The following SFXN3 variants were observed in gnomAD, a reference collection of about 807,000 sequenced individuals.
SFXN3 encodes the protein sideroflexin-3.
In SFXN3, 31 loss-of-function variants were observed where a neutral mutation model predicts 40.4. That is an observed-to-expected ratio of 0.77 (90% CI 0.58 to 1.04). The LOEUF (loss-of-function observed/expected upper bound fraction) is 1.04. Among genes scored for constraint, SFXN3 ranks in the 50% least tolerant of loss-of-function variants. The pLI is 0.00. For synonymous variants in SFXN3, 157 were observed against 160.0 expected, an observed-to-expected ratio of 0.98 and a Z score of 0.14; for missense variants, 366 against 408.2, an observed-to-expected ratio of 0.90 and a Z score of 0.89.
intron 9 of SFXN3, 82 bp from the exon 10 acceptor site, chr10:101,038,561 G>A (rs1394215570): frequency 4.3e-6 from 7 of 1,611,960 alleles, no homozygotes; most frequent in Non-Finnish European, 5.9e-6. Context: ...AAGGCTGATG[G>A]GATAGAGCTA....
intron 2 of SFXN3, among the ~76,000 whole-genome samples, chr10:101,033,020 G>A (rs928578594): frequency 1.3e-5 from 2 of 152,206 alleles, no homozygotes; most frequent in African/African-American, 4.8e-5. Flanking sequence ...GGACCAGGGA[G>A]AGCCTGGGGT....
At chr10:101,033,932 A>G (rs770399589) in intron 2 of SFXN3, among the ~76,000 whole-genome samples, 1 of 152,080 alleles carries the variant, frequency 6.6e-6, no homozygotes, top group Non-Finnish European at 1.5e-5. Flanking sequence ...CATTACTGCA[A>G]ACATATCTCA....
chr10:101,039,242 TG>T lies in SFXN3; in HGVS notation c.869+23del. The T allele has an allele frequency of 6.3e-7, 1 of 1,599,306 alleles. No homozygotes were observed. Among genetic ancestry groups the T allele is most frequent in the Non-Finnish European group, 8.5e-7 (1 of 1,172,450 alleles). On this transcript the variant is annotated intron_variant, in intron 11 of 11. Transcript: ENST00000393459. The surrounding 1 kb of genome is among the most constrained non-coding windows in gnomAD (Gnocchi z 4.6). Reference sequence around the variant, plus strand: ...GAAGAGGTAAGTGCTGTCCCTGGGCTGGGTGGGGGACTCTGGATTGGACTCT... The same window carrying T: ...GAAGAGGTAAGTGCTGTCCCTGGGCTGGTGGGGGACTCTGGATTGGACTCT...
exon 4 of SFXN3, chr10:101,035,512 C>A (rs374039696): frequency 1.9e-6 from 3 of 1,607,984 alleles, no homozygotes; most frequent in Admixed American, 1.7e-5. Flanking sequence ...GCGTGGTGAC[C>A]CCAGGGATCA....
At position 101,036,742 on chromosome 10, in the gene SFXN3, G is replaced by C. The variant is rs1318171829; in HGVS notation, c.527G>C (p.Gly176Ala). 8 of 1,611,842 alleles carry C rather than the reference G, an allele frequency of 5.0e-6. No individual in the cohort carries two copies. The highest frequency in any genetic ancestry group is 1.7e-5 in the Admixed American group (1 of 59,938). ...CCCCAGCACCTGCCCCCCTTGGTCG[G>C]CAGATTTGTGCCCTTTGCAGCAGTG... is the stretch of plus-strand genomic sequence containing the variant. The change falls in exon 7 of 12, where the codon GGC (glycine) becomes GCC (alanine). Residue 176 changes from glycine (G) to alanine (A), a missense_variant. Physicochemically the swap from Gly to Ala is moderately conservative, Grantham distance 60. Coordinates refer to ENST00000393459, the Ensembl canonical transcript of SFXN3. This position sits in a 1 kb window ranked among gnomAD's most constrained non-coding sequence, Gnocchi z 4.2.
intron 9 of SFXN3, chr10:101,038,371 G>T (rs1938720347): frequency 1.5e-5 from 20 of 1,370,492 alleles, no homozygotes; most frequent in Admixed American, 9.0e-5. Context: ...AGTGAGGGAA[G>T]AAAAAAAAGG....
chr10:101,038,477 C>T (rs776999615), intron 9 of SFXN3, 166 bp from the exon 10 acceptor site: 181 of 1,481,476 alleles, frequency 1.2e-4, no homozygotes, highest in Middle Eastern at 2.2e-4. Context: ...AGTGGAAGGG[C>T]GTGATCTGGA....
Position 101,037,121 on chromosome 10 carries a change from G to A in SFXN3, c.639G>A (p.Arg213=), listed in dbSNP as rs533445142. Reference sequence around the variant, plus strand: ...CGGTGGCTGATGAGGCAGGTCAGAGGCTTGGCTACTCGGTGACTGCAGCCA... The same window carrying A: ...CGGTGGCTGATGAGGCAGGTCAGAGACTTGGCTACTCGGTGACTGCAGCCA... Residue 213 remains arginine (R), a synonymous_variant, in exon 8 of 12, where the codon AGG becomes AGA. Transcript: ENST00000393459. 8 of 1,613,998 alleles carry A rather than the reference G, an allele frequency of 5.0e-6. No homozygotes were observed. The South Asian group carries it at 7.7e-5, about 16-fold the overall frequency.
intron 9 of SFXN3, chr10:101,037,871 C>T (rs1938697272): frequency 1.9e-6 from 2 of 1,049,712 alleles, no homozygotes; most frequent in Admixed American, 9.9e-5. Context: ...TATTGAGTGC[C>T]ATGCACCAGG....
exon 3 of SFXN3, chr10:101,034,727 G>A: frequency 2.5e-6 from 4 of 1,614,086 alleles, no homozygotes; most frequent in Non-Finnish European, 3.4e-6. Context: ...TCAACATCCA[G>A]GAACCTCGCT....
At position 101,034,749 on chromosome 10, in the gene SFXN3, AC is replaced by A. The variant is rs868676580; in HGVS notation, c.56del (p.Thr19IlefsTer40). 6.2e-7 allele frequency: 1 copy of A among 1,614,032 alleles called. No individual in the cohort carries two copies. The highest frequency in any genetic ancestry group is 1.3e-5 in the African/African-American group (1 of 74,922). ...CCAGGAACCTCGCTGGGACCAAAGTACTTTCCTGGGCAGAGCCCGGCACTTT... is the reference window on the plus strand; with the variant it reads ...CCAGGAACCTCGCTGGGACCAAAGTATTTCCTGGGCAGAGCCCGGCACTTT... On this transcript the variant is annotated frameshift_variant, in exon 3 of 12. Transcript: ENST00000393459. LOFTEE classifies it high-confidence loss of function.
In SFXN3 at chr10:101,036,570, C is replaced by T. The variant is rs753874043; in HGVS notation, c.507+9C>T. On this transcript the variant is annotated intron_variant, in intron 6 of 11. Transcript: ENST00000393459. This position sits in a 1 kb window ranked among gnomAD's most constrained non-coding sequence, Gnocchi z 4.2. ...TCAAATCCCTCACCAAGGTAAAGGCCCCTCACTCCCCTGACCACCCCATTC... is the reference window on the plus strand; with the variant it reads ...TCAAATCCCTCACCAAGGTAAAGGCTCCTCACTCCCCTGACCACCCCATTC... 6.2e-6 allele frequency: 10 copies of T among 1,614,018 alleles called. No homozygotes were observed. The highest frequency in any genetic ancestry group is 7.6e-6 in the Non-Finnish European group (9 of 1,179,970).
At position 101,039,234 on chromosome 10, in the gene SFXN3, C is replaced by A; in HGVS notation, c.869+12C>A. 1.2e-6 allele frequency: 2 copies of A among 1,602,782 alleles called. No homozygotes were observed. The highest frequency in any genetic ancestry group is 1.7e-6 in the Non-Finnish European group (2 of 1,174,394). On this transcript the variant is annotated intron_variant, in intron 11 of 11. Transcript: ENST00000393459. The surrounding 1 kb of genome is among the most constrained non-coding windows in gnomAD (Gnocchi z 4.6). The stretch of plus-strand genomic sequence containing the variant: ...TTCCCCCAGAAGAGGTAAGTGCTGT[C>A]CCTGGGCTGGGTGGGGGACTCTGGA...
At chr10:101,037,198 C>T in exon 8 of SFXN3, 1 of 1,613,852 alleles carries the variant, frequency 6.2e-7, no homozygotes, top group Non-Finnish European at 8.5e-7. Flanking sequence ...GCGATTCCTG[C>T]CATGGGTAAG....
intron 9 of SFXN3, 155 bp from the exon 10 acceptor site, chr10:101,038,488 G>A: frequency 6.7e-7 from 1 of 1,497,320 alleles, no homozygotes; most frequent in Non-Finnish European, 8.9e-7. Flanking sequence ...GTGATCTGGA[G>A]GTCCCAGCCC....
intron 9 of SFXN3, chr10:101,037,997 CT>C: frequency 2.8e-6 from 1 of 351,694 alleles, no homozygotes; most frequent in Non-Finnish European, 4.1e-6. Context: ...TAAATACATT[CT>C]TAGAAAGTGT....
At position 101,039,324 on chromosome 10, in the gene SFXN3, C is replaced by T; in HGVS notation, c.869+102C>T. The T allele has an allele frequency of 8.1e-7, 1 of 1,238,252 alleles. No individual in the cohort carries two copies. The highest frequency in any genetic ancestry group is 1.3e-5 in the South Asian group (1 of 76,228). 76.7% of individuals were successfully genotyped at this position (1,238,252 alleles called of 1,614,324 possible). ...CCAGGGTGTTCAGGAGGAGGCCTGGCAGGCACTCCACTGATTCTGGGAGTG... is the reference window on the plus strand; with the variant it reads ...CCAGGGTGTTCAGGAGGAGGCCTGGTAGGCACTCCACTGATTCTGGGAGTG... On this transcript the variant is annotated intron_variant, in intron 11 of 11. Coordinates refer to ENST00000393459, the Ensembl canonical transcript of SFXN3. This position sits in a 1 kb window ranked among gnomAD's most constrained non-coding sequence, Gnocchi z 4.6.
chr10:101,036,742 G>A lies in SFXN3; in HGVS notation c.527G>A (p.Gly176Asp), dbSNP rs1318171829. Residue 176 changes from glycine to aspartate, a missense_variant, in exon 7 of 12, where the codon GGC becomes GAC. Gly to Asp is a moderately conservative substitution (Grantham distance 94). Transcript: ENST00000393459. The surrounding 1 kb of genome is among the most constrained non-coding windows in gnomAD (Gnocchi z 4.2). The stretch of plus-strand genomic sequence containing the variant: ...CCCCAGCACCTGCCCCCCTTGGTCG[G>A]CAGATTTGTGCCCTTTGCAGCAGTG... The A allele has an allele frequency of 1.9e-6, 3 of 1,611,960 alleles. No homozygotes were observed. The highest frequency in any genetic ancestry group is 1.7e-5 in the Admixed American group (1 of 59,958).
chr10:101,038,570 T>C, intron 9 of SFXN3, 73 bp from the exon 10 acceptor site: 1 of 1,612,840 alleles, frequency 6.2e-7, no homozygotes, highest in Non-Finnish European at 8.5e-7. Context: ...GGGATAGAGC[T>C]ATGGTGGGTG....
Sources: gnomAD v4.1 joint callset for allele counts (sites outside exome capture counted in the v4.1 genomes callset) on GRCh38, gnomAD v4.1.1 for gene constraint, Gnocchi (gnomAD v3.1) non-coding constraint, MANE v1.5 for transcripts, NCBI Gene and HGNC (gene_info 2026-07-23, HGNC 2026-07-21) for gene names.